PDK1: variants seen among roughly 807,000 people sequenced by gnomAD.
PDK1 encodes pyruvate dehydrogenase kinase 1.
In PDK1, 39 loss-of-function variants were observed where a neutral mutation model predicts 54.2. That is an observed-to-expected ratio of 0.72 (90% CI 0.56 to 0.94). The LOEUF is 0.94. Among genes scored for constraint, PDK1 ranks in the 40% least tolerant of loss-of-function variants. PDK1 has a pLI of 0.00. For missense variants in PDK1, 552 were observed against 566.0 expected (o/e 0.98, Z 0.25); for synonymous variants, 221 against 207.1 (o/e 1.07, Z -0.58).
At chr2:172,621,866 A>G in the PDK1 span, among the ~76,000 whole-genome samples, 1 of 117,252 alleles carries the variant, frequency 8.5e-6, no homozygotes, top group Non-Finnish European at 1.7e-5. Flanking sequence ...TATATCTCAT[A>G]TGTATGATAT....
chr2:172,633,867 A>ATTTT, the PDK1 span, among the ~76,000 whole-genome samples: 292 of 68,840 alleles, frequency 4.2e-3, 63 homozygotes, highest in South Asian at 6.5e-3. Context: ...TTAGTCTATG[A>ATTTT]TTTTTTTTTT....
the PDK1 span, among the ~76,000 whole-genome samples, chr2:172,700,698 C>T: frequency 6.6e-6 from 1 of 152,166 alleles, no homozygotes; most frequent in South Asian, 2.1e-4. Context: ...CGCCACTGCA[C>T]TCCAGCCTGG....
At chr2:172,705,985 G>A in the PDK1 span, among the ~76,000 whole-genome samples, 3 of 152,174 alleles carry the variant, frequency 2.0e-5, no homozygotes, top group Non-Finnish European at 2.9e-5. Flanking sequence ...ATAATACAGA[G>A]AGACCCCACT....
At chr2:172,576,252 G>T (rs560999465) in intron 8 of PDK1, among the ~76,000 whole-genome samples, 1 of 152,092 alleles carries the variant, frequency 6.6e-6, no homozygotes, top group Non-Finnish European at 1.5e-5. Flanking sequence ...ATAGGAATTT[G>T]TCCATTTCAT....
At chr2:172,711,648 T>C in the PDK1 span, among the ~76,000 whole-genome samples, 4 of 152,046 alleles carry the variant, frequency 2.6e-5, no homozygotes, top group African/African-American at 7.2e-5. Flanking sequence ...GTGAATCCCT[T>C]GAGTCCAGGA....
At chr2:172,650,418 G>A in the PDK1 span, among the ~76,000 whole-genome samples, 2 of 152,268 alleles carry the variant, frequency 1.3e-5, no homozygotes, top group South Asian at 2.1e-4. Flanking sequence ...GCAAGAAACT[G>A]CATCAACTAA....
the PDK1 span, among the ~76,000 whole-genome samples, chr2:172,691,875 C>A: frequency 6.6e-6 from 1 of 152,206 alleles, no homozygotes; most frequent in African/African-American, 2.4e-5. Context: ...CTGCTATAAA[C>A]ATCCATGTGT....
At chr2:172,559,102 C>CAATTAG (rs1558923587) in intron 2 of PDK1, among the ~76,000 whole-genome samples, 1 of 152,170 alleles carries the variant, frequency 6.6e-6, no homozygotes, top group Non-Finnish European at 1.5e-5. Context: ...GCACGTGCCA[C>CAATTAG]CACGCCCAGC....
chr2:172,712,965 T>C, the PDK1 span, among the ~76,000 whole-genome samples: 5 of 152,214 alleles, frequency 3.3e-5, no homozygotes, highest in Non-Finnish European at 5.9e-5. Context: ...GAGTAGCTCC[T>C]TTCTGCAGGC....
At chr2:172,709,805 C>T in the PDK1 span, among the ~76,000 whole-genome samples, 3 of 152,132 alleles carry the variant, frequency 2.0e-5, no homozygotes, top group Non-Finnish European at 4.4e-5. Flanking sequence ...CCAGTCTGTT[C>T]CTGATGGGTC....
At chr2:172,621,879 G>C in the PDK1 span, among the ~76,000 whole-genome samples, 2 of 140,984 alleles carry the variant, frequency 1.4e-5, no homozygotes, top group Non-Finnish European at 3.1e-5. Flanking sequence ...TATGATATAT[G>C]TTTATATCTC....
chr2:172,628,710 A>G, the PDK1 span, among the ~76,000 whole-genome samples: 1 of 152,092 alleles, frequency 6.6e-6, no homozygotes, highest in African/African-American at 2.4e-5. Context: ...ATGTTGTTGT[A>G]TGTAACTCTG....
chr2:172,682,611 A>C, the PDK1 span, among the ~76,000 whole-genome samples: 1 of 152,236 alleles, frequency 6.6e-6, no homozygotes, highest in Non-Finnish European at 1.5e-5. Context: ...CCATTGGCTG[A>C]GAAAGGAATG....
the PDK1 span, among the ~76,000 whole-genome samples, chr2:172,697,223 T>C: frequency 6.6e-6 from 1 of 152,096 alleles, no homozygotes; most frequent in Non-Finnish European, 1.5e-5. Flanking sequence ...TGGGCAAAAA[T>C]CACTAAGTCA....
At chr2:172,615,779 C>CTA in the PDK1 span, among the ~76,000 whole-genome samples, 1 of 152,150 alleles carries the variant, frequency 6.6e-6, no homozygotes, top group African/African-American at 2.4e-5. Context: ...ACTAAATTGG[C>CTA]TATATAATGA....
At chr2:172,697,780 G>A in the PDK1 span, among the ~76,000 whole-genome samples, 1 of 151,172 alleles carries the variant, frequency 6.6e-6, no homozygotes, top group African/African-American at 2.4e-5. Flanking sequence ...TCCCCATTCT[G>A]AAGATACTGG....
chr2:172,687,873 C>G, the PDK1 span, among the ~76,000 whole-genome samples: 8 of 152,312 alleles, frequency 5.3e-5, no homozygotes, highest in African/African-American at 1.7e-4. Context: ...CTGCTGCCCA[C>G]TGAACACAAA....
rs947598402 is a variant in PDK1, at chr2:172,556,200, C to T, written c.50C>T (p.Pro17Leu). The change falls in exon 1 of 11, where the codon CCG (proline) becomes CTG (leucine). Residue 17 changes from proline to leucine, a missense_variant. Pro to Leu is a moderately conservative substitution (Grantham distance 98). Coordinates refer to ENST00000282077, the MANE Select transcript of PDK1 (RefSeq NM_002610.5). ...GGAGCCGCCTTGGCCGGCCCGGGCC[C>T]GGGGCTGCGCGCCGCCGGCTTCAGC... ...LRGAALAGPG[P>L]GLRAAGFSRS... 5 of 1,414,662 alleles carry T rather than the reference C, an allele frequency of 3.5e-6. No homozygotes were observed. Among genetic ancestry groups the T allele is most frequent in the Non-Finnish European group, 3.7e-6 (4 of 1,092,230 alleles). The allele number at this position is 1,414,662 out of a possible 1,614,324, so 87.6% of individuals were successfully genotyped here. A position where few individuals can be genotyped will look rare whatever the true frequency, so the allele number is the denominator to read the frequency against.
chr2:172,596,276 G>GT lies in PDK1; in HGVS notation c.*319dup, dbSNP rs34678111. 0.2 allele frequency: 31,916 copies of GT among 163,592 alleles called. 2,898 individuals are homozygous for GT. Among genetic ancestry groups the GT allele is most frequent in the African/African-American group, 0.3 (11,415 of 38,334 alleles). 10.1% of individuals were successfully genotyped at this position (163,592 alleles called of 1,614,324 possible). A position where few individuals can be genotyped will look rare whatever the true frequency, so the allele number is the denominator to read the frequency against. ...ATCTTCGGGTTTCTATAGGAAACTA[G>GT]TTTTTTTTTTTTAAGAAATACTTTC... On this transcript the variant is annotated 3_prime_UTR_variant, in exon 11 of 11. Transcript: ENST00000282077.
Sources: allele counts gnomAD v4.1 joint callset (sites outside exome capture counted in the v4.1 genomes callset), GRCh38; gene constraint gnomAD v4.1.1; transcripts MANE v1.5; gene names NCBI Gene and HGNC (gene_info 2026-07-23, HGNC 2026-07-21).